Variants in SHQ1 observed in about 807,000 individuals in gnomAD.
SHQ1 encodes SHQ1, H/ACA ribonucleoprotein assembly factor.
A neutral mutation model predicts 53.8 loss-of-function variants in SHQ1; 49 were observed. That is an observed-to-expected ratio of 0.91 (90% confidence interval 0.72 to 1.16). The LOEUF is 1.16. Ranked by LOEUF, SHQ1 falls within the 50% of genes most tolerant of loss-of-function variation. The pLI, the probability that SHQ1 is intolerant of heterozygous loss-of-function variation, is 0.00. For synonymous variants in SHQ1, 243 were observed against 251.0 expected, an observed-to-expected ratio of 0.97 and a Z score of 0.30; for missense variants, 738 against 683.1, an observed-to-expected ratio of 1.08 and a Z score of -0.90.
chr3:72,753,142 G>A, intron 10 of SHQ1: 1 of 985,394 alleles, frequency 1.0e-6, no homozygotes, highest in Non-Finnish European at 1.2e-6. Context: ...AATCTGATGT[G>A]ACAACTGAAG....
intron 9 of SHQ1, among the ~76,000 whole-genome samples, chr3:72,801,776 C>G (rs1706797007): frequency 6.6e-6 from 1 of 152,118 alleles, no homozygotes; most frequent in East Asian, 1.9e-4. Context: ...ATATTTATCT[C>G]TACATATAAG....
intron 10 of SHQ1, 105 bp downstream of exon 10, chr3:72,792,811 A>AAAAAAAATAAAC: frequency 2.8e-6 from 2 of 710,238 alleles, no homozygotes; most frequent in Non-Finnish European, 2.1e-6. Flanking sequence ...AAAAAAAAAA[A>AAAAAAAATAAAC]CACAACTTAC....
intron 9 of SHQ1, among the ~76,000 whole-genome samples, chr3:72,800,787 G>A (rs1042655525): frequency 1.3e-5 from 2 of 152,218 alleles, no homozygotes; most frequent in Non-Finnish European, 2.9e-5. Context: ...CATGACAAAT[G>A]TGGCATATAC....
At chr3:72,839,804 A>C (rs1708109706) in intron 4 of SHQ1, among the ~76,000 whole-genome samples, 1 of 152,212 alleles carries the variant, frequency 6.6e-6, no homozygotes, top group South Asian at 2.1e-4. Context: ...ACTGTTGCCC[A>C]GGCTGGAGTG....
chr3:72,766,096 G>C (rs573354791), intron 10 of SHQ1, among the ~76,000 whole-genome samples: 80 of 152,194 alleles, frequency 5.3e-4, no homozygotes, highest in African/African-American at 1.9e-3. Flanking sequence ...TGAGTATTTA[G>C]GGAAGGCCTC....
At chr3:72,812,602 T>C (rs1386944087) in intron 9 of SHQ1, 69 bp downstream of exon 9, 3 of 1,568,474 alleles carry the variant, frequency 1.9e-6, no homozygotes, top group African/African-American at 2.7e-5. Context: ...AAAATCATTA[T>C]TATATCTTCA....
intron 2 of SHQ1, among the ~76,000 whole-genome samples, chr3:72,844,067 CAT>C (rs1708257090): frequency 6.6e-6 from 1 of 152,190 alleles, no homozygotes; most frequent in Admixed American, 6.5e-5. Flanking sequence ...AATCATTTCA[CAT>C]GTTCTAATTT....
At chr3:72,792,146 G>T (rs1337975458) in intron 10 of SHQ1, among the ~76,000 whole-genome samples, 1 of 152,162 alleles carries the variant, frequency 6.6e-6, no homozygotes, top group Non-Finnish European at 1.5e-5. Context: ...TAAATGCAGA[G>T]CTCTCATCTG....
intron 10 of SHQ1, among the ~76,000 whole-genome samples, chr3:72,782,459 G>C (rs562083617): frequency 6.6e-6 from 1 of 152,140 alleles, no homozygotes; most frequent in Non-Finnish European, 1.5e-5. Context: ...CATGCCCAAA[G>C]ATATGTTCCA....
At chr3:72,825,583 C>T (rs767341711) in intron 5 of SHQ1, among the ~76,000 whole-genome samples, 8 of 152,162 alleles carry the variant, frequency 5.3e-5, no homozygotes, top group Non-Finnish European at 8.8e-5. Context: ...ATTCAAAATA[C>T]ACCTCTCACT....
At chr3:72,763,054 C>CAT (rs1705644662) in intron 10 of SHQ1, among the ~76,000 whole-genome samples, 1 of 137,980 alleles carries the variant, frequency 7.2e-6, no homozygotes, top group African/African-American at 3.1e-5. Flanking sequence ...CACACACACA[C>CAT]ACACACACAG....
chr3:72,747,084 C>G (rs545233287), downstream of SHQ1, among the ~76,000 whole-genome samples: 3 of 152,244 alleles, frequency 2.0e-5, no homozygotes, highest in Admixed American at 6.5e-5. Flanking sequence ...CTTCACAAAC[C>G]CTAAGTAAAA....
At chr3:72,772,331 G>C (rs1705872379) in intron 10 of SHQ1, among the ~76,000 whole-genome samples, 1 of 152,106 alleles carries the variant, frequency 6.6e-6, no homozygotes, top group Admixed American at 6.6e-5. Flanking sequence ...ATTAAGCTTA[G>C]AAGATGAGGA....
intron 10 of SHQ1, among the ~76,000 whole-genome samples, chr3:72,751,091 A>G (rs1705356131): frequency 6.6e-6 from 1 of 152,188 alleles, no homozygotes. Context: ...AGAAGCCACA[A>G]AAGACTGATA....
the SHQ1 span, among the ~76,000 whole-genome samples, chr3:72,737,482 G>T: frequency 1.3e-5 from 2 of 151,948 alleles, no homozygotes; most frequent in Non-Finnish European, 2.9e-5. Context: ...GAAAGAAAAA[G>T]AAGATTTTTA....
At chr3:72,740,067 T>A in the SHQ1 span, among the ~76,000 whole-genome samples, 1 of 152,146 alleles carries the variant, frequency 6.6e-6, no homozygotes. Flanking sequence ...CATGGGAGCA[T>A]TGGTGAAAAG....
intron 10 of SHQ1, chr3:72,753,403 C>A: frequency 1.0e-6 from 1 of 985,362 alleles, no homozygotes; most frequent in Non-Finnish European, 1.2e-6. Context: ...ATCTGGGTGC[C>A]TGCATGTACC....
chr3:72,773,425 TC>T, intron 10 of SHQ1: 1 of 406,086 alleles, frequency 2.5e-6, no homozygotes. Flanking sequence ...ATGAGTGAAA[TC>T]CCCATCACCA....
At chr3:72,823,512 C>T (rs1187440119) in intron 6 of SHQ1, among the ~76,000 whole-genome samples, 2 of 152,100 alleles carry the variant, frequency 1.3e-5, no homozygotes, top group East Asian at 3.9e-4. Context: ...ACCCAAATGT[C>T]CACCAGTAGT....
Sources: gnomAD v4.1 joint callset for allele counts (sites outside exome capture counted in the v4.1 genomes callset) on GRCh38, gnomAD v4.1.1 for gene constraint, MANE v1.5 for transcripts, NCBI Gene and HGNC (gene_info 2026-07-23, HGNC 2026-07-21) for gene names.